The following JAK2 variants were observed in gnomAD, a reference collection of about 807,000 sequenced individuals.
JAK2 encodes the protein tyrosine-protein kinase JAK2.
JAK2 carries 86 observed loss-of-function variants against 139.3 expected under a neutral mutation model. The ratio of observed to expected loss-of-function variants is 0.62; its 90% CI spans 0.52 to 0.74. JAK2 has a LOEUF of 0.74. JAK2 is among the 30% of genes least tolerant of loss of function. JAK2 has a pLI of 0.00. For synonymous variants in JAK2, 490 were observed against 437.7 expected (o/e 1.12, Z -1.49); for missense variants, 1,421 against 1,360.3 (o/e 1.04, Z -0.70).
chr9:5,125,151 C>A (rs776092761), intron 23 of JAK2, among the ~76,000 whole-genome samples: 35 of 150,720 alleles, frequency 2.3e-4, no homozygotes, highest in Admixed American at 1.1e-3. Context: ...CAGAGAAGAC[C>A]ACCTCAATAT....
intron 4 of JAK2, chr9:5,041,592 T>G: frequency 2.0e-6 from 1 of 499,124 alleles, no homozygotes; most frequent in South Asian, 1.6e-5. Context: ...GCGCCTGGAC[T>G]TTGAGAAGCC....
chr9:5,051,977 A>C (rs967737920), intron 6 of JAK2, among the ~76,000 whole-genome samples: 2 of 152,114 alleles, frequency 1.3e-5, no homozygotes, highest in East Asian at 1.9e-4. Flanking sequence ...GAAAAAAAAA[A>C]CACATTCATT....
intron 22 of JAK2, among the ~76,000 whole-genome samples, chr9:5,091,842 G>A (rs1820598411): frequency 6.6e-6 from 1 of 152,084 alleles, no homozygotes; most frequent in Non-Finnish European, 1.5e-5. Context: ...GGTACTTTAA[G>A]GTTGTTAGTT....
chr9:5,037,600 C>G (rs963340390), intron 4 of JAK2, among the ~76,000 whole-genome samples: 1 of 152,042 alleles, frequency 6.6e-6, no homozygotes, highest in African/African-American at 2.4e-5. Flanking sequence ...AGCAAACTAT[C>G]GCAAGGACAA....
chr9:5,029,321 G>C (rs1366853611), intron 3 of JAK2, among the ~76,000 whole-genome samples: 1 of 152,122 alleles, frequency 6.6e-6, no homozygotes, highest in East Asian at 1.9e-4. Flanking sequence ...TCTTATATGG[G>C]CACGGTTCAT....
chr9:5,072,705 T>C lies in JAK2; in HGVS notation c.1776+79T>C, dbSNP rs568213172. ...CTCATATGCATACAACGTACTCATG[T>C]GTGCAGCTTTTCAAAATTGTAATTT... On this transcript the variant is annotated intron_variant, in intron 13 of 24. Transcript: ENST00000381652. 38 of 1,074,492 alleles carry C rather than the reference T, an allele frequency of 3.5e-5. No individual in the cohort carries two copies. The African/African-American group carries it at 4.9e-4, about 14-fold the overall frequency. The allele number at this position is 1,074,492 out of a possible 1,614,324, so 66.6% of individuals were successfully genotyped here.
chr9:5,107,293 C>T (rs1055692406), intron 22 of JAK2, among the ~76,000 whole-genome samples: 2 of 152,116 alleles, frequency 1.3e-5, no homozygotes, highest in Non-Finnish European at 2.9e-5. Context: ...TACATTTTTA[C>T]TTCCACAAAT....
intron 14 of JAK2, among the ~76,000 whole-genome samples, chr9:5,074,159 A>G (rs1429240909): frequency 6.6e-6 from 1 of 152,134 alleles, no homozygotes; most frequent in Admixed American, 6.5e-5. Flanking sequence ...TGATACACTT[A>G]ATTTTTAATG....
At chr9:5,111,670 C>T in intron 22 of JAK2, 1 of 415,712 alleles carries the variant, frequency 2.4e-6, no homozygotes, top group East Asian at 6.7e-5. Flanking sequence ...CCAGCAGCGG[C>T]CCTGTGGGCA....
chr9:5,019,471 G>A (rs921050138), intron 2 of JAK2, among the ~76,000 whole-genome samples: 9 of 151,916 alleles, frequency 5.9e-5, no homozygotes, highest in Admixed American at 2.0e-4. Flanking sequence ...ATCTGTATGC[G>A]TTTGTATCTC....
At chr9:5,100,791 T>C (rs930813886) in intron 22 of JAK2, 2 of 152,394 alleles carry the variant, frequency 1.3e-5, no homozygotes, top group African/African-American at 4.8e-5. Flanking sequence ...AGGCCCCTTT[T>C]ACTATCTCTG....
At chr9:5,095,807 C>G (rs949688096) in intron 22 of JAK2, among the ~76,000 whole-genome samples, 1 of 152,176 alleles carries the variant, frequency 6.6e-6, no homozygotes, top group African/African-American at 2.4e-5. Flanking sequence ...CCAGTACTAA[C>G]TTATAATCCA....
At chr9:5,083,298 C>T (rs1165592803) in intron 19 of JAK2, among the ~76,000 whole-genome samples, 2 of 152,162 alleles carry the variant, frequency 1.3e-5, no homozygotes, top group African/African-American at 2.4e-5. Context: ...TCATGTATAA[C>T]CTACATATTA....
intron 19 of JAK2, chr9:5,085,166 C>G: frequency 1.5e-6 from 1 of 651,244 alleles, no homozygotes; most frequent in Non-Finnish European, 3.0e-6. Flanking sequence ...CTGTCTACAT[C>G]TCCCGGCAAA....
At chr9:4,991,388 TAATA>T (rs965879841) in intron 2 of JAK2, among the ~76,000 whole-genome samples, 18 of 152,220 alleles carry the variant, frequency 1.2e-4, no homozygotes, top group Admixed American at 5.9e-4. Flanking sequence ...GGTTTTAGTT[TAATA>T]AATTATGATT....
intron 22 of JAK2, chr9:5,114,405 G>A (rs968730540): frequency 5.9e-6 from 3 of 509,006 alleles, no homozygotes; most frequent in African/African-American, 5.8e-5. Flanking sequence ...GGGCACCAGA[G>A]ACTGGATCAA....
intron 3 of JAK2, among the ~76,000 whole-genome samples, chr9:5,027,470 G>C (rs540245171): frequency 6.6e-6 from 1 of 152,278 alleles, no homozygotes; most frequent in Non-Finnish European, 1.5e-5. Context: ...GTCTTGCCTT[G>C]ATGTTGATGG....
intron 3 of JAK2, among the ~76,000 whole-genome samples, chr9:5,024,099 AC>A (rs1203457430): frequency 2.0e-5 from 3 of 152,096 alleles, no homozygotes; most frequent in South Asian, 4.1e-4. Context: ...TGCTAAAAAT[AC>A]AAAAAATTAG....
intron 22 of JAK2, among the ~76,000 whole-genome samples, chr9:5,116,052 TATA>T (rs1823139512): frequency 6.6e-6 from 1 of 151,956 alleles, no homozygotes; most frequent in Admixed American, 6.6e-5. Context: ...AAACTTAAAG[TATA>T]ATAAAATTTA....
Sources: gnomAD v4.1 joint callset for allele counts (sites outside exome capture counted in the v4.1 genomes callset) on GRCh38, gnomAD v4.1.1 for gene constraint, MANE v1.5 for transcripts, NCBI Gene and HGNC (gene_info 2026-07-23, HGNC 2026-07-21) for gene names.